The following MED12L variants were observed in gnomAD, a reference collection of about 807,000 sequenced individuals.
MED12L encodes mediator of RNA polymerase II transcription subunit 12-like protein.
MED12L carries 60 observed loss-of-function variants against 281.3 expected under a neutral mutation model. The ratio of observed to expected loss-of-function variants is 0.21; its 90% CI spans 0.17 to 0.26. The LOEUF is 0.26. Among genes scored for constraint, MED12L ranks in the 10% least tolerant of loss-of-function variants. MED12L has a pLI of 1.00. For missense variants in MED12L, 2,146 were observed against 2,680.9 expected, an observed-to-expected ratio of 0.80 and a Z score of 4.41; for synonymous variants, 974 against 987.2, an observed-to-expected ratio of 0.99 and a Z score of 0.25.
At chr3:151,299,419 T>TC (rs1202256463) in intron 16 of MED12L, among the ~76,000 whole-genome samples, 2 of 94,062 alleles carry the variant, frequency 2.1e-5, no homozygotes, top group African/African-American at 8.1e-5. Context: ...TCCCCTCCCC[T>TC]CCCCCTCCTC....
chr3:151,424,696 A>T (rs1241319358), intron 43 of MED12L, among the ~76,000 whole-genome samples: 1 of 152,192 alleles, frequency 6.6e-6, no homozygotes, highest in Admixed American at 6.5e-5. Flanking sequence ...CACACAAAAA[A>T]TTCTGAAACA....
At chr3:151,361,493 T>A (rs1754610062) in intron 21 of MED12L, among the ~76,000 whole-genome samples, 1 of 152,196 alleles carries the variant, frequency 6.6e-6, no homozygotes, top group African/African-American at 2.4e-5. Flanking sequence ...ACCTACTTGC[T>A]ATCTTAGACT....
At chr3:151,203,830 T>G (rs948959580) in intron 16 of MED12L, among the ~76,000 whole-genome samples, 2 of 152,206 alleles carry the variant, frequency 1.3e-5, no homozygotes, top group African/African-American at 4.8e-5. Flanking sequence ...TTATTCATAC[T>G]ATTTTATAGT....
chr3:151,223,180 A>AAAAAG (rs1729748624), intron 16 of MED12L, among the ~76,000 whole-genome samples: 1 of 151,132 alleles, frequency 6.6e-6, no homozygotes, highest in Non-Finnish European at 1.5e-5. Flanking sequence ...AAGTCCAAAA[A>AAAAAG]AAAAAAAAAA....
chr3:151,165,085 C>T (rs1204981835), intron 9 of MED12L, among the ~76,000 whole-genome samples: 2 of 151,218 alleles, frequency 1.3e-5, no homozygotes, highest in South Asian at 2.1e-4. Context: ...CTTAATAGAA[C>T]GTTGCAAATT....
At chr3:151,383,678 T>C (rs1712805947) in intron 33 of MED12L, 101 bp from the exon 34 acceptor site, 2 of 708,418 alleles carry the variant, frequency 2.8e-6, no homozygotes, top group East Asian at 2.7e-5. Flanking sequence ...GCATCCCTTG[T>C]TTTTTTAAAT....
chr3:151,226,282 C>CT (rs1248816296), intron 16 of MED12L, among the ~76,000 whole-genome samples: 1 of 152,120 alleles, frequency 6.6e-6, no homozygotes, highest in Non-Finnish European at 1.5e-5. Flanking sequence ...GGTGAGAGAG[C>CT]TATAGGAACA....
intron 42 of MED12L, among the ~76,000 whole-genome samples, chr3:151,415,289 T>C (rs1717414915): frequency 6.6e-6 from 1 of 152,242 alleles, no homozygotes; most frequent in South Asian, 2.1e-4. Flanking sequence ...ATTATACTTC[T>C]TTTTTGGTGA....
At chr3:151,213,270 C>T (rs772387853) in intron 16 of MED12L, 4 of 1,519,330 alleles carry the variant, frequency 2.6e-6, no homozygotes, top group Non-Finnish European at 3.6e-6. Context: ...AACATGCACA[C>T]GTGGTCTTTC....
At chr3:151,252,784 C>T (rs775049540) in intron 16 of MED12L, among the ~76,000 whole-genome samples, 4 of 152,070 alleles carry the variant, frequency 2.6e-5, no homozygotes, top group Non-Finnish European at 5.9e-5. Flanking sequence ...TATCTACTAA[C>T]TAGATAAGTT....
At chr3:151,270,449 A>G (rs1740729359) in intron 16 of MED12L, among the ~76,000 whole-genome samples, 1 of 152,148 alleles carries the variant, frequency 6.6e-6, no homozygotes, top group Admixed American at 6.5e-5. Context: ...GGAAAAAAGA[A>G]AAACCTCCCT....
intron 16 of MED12L, among the ~76,000 whole-genome samples, chr3:151,348,340 CAAAAA>C (rs11382065): frequency 0.012 from 1,050 of 87,838 alleles, 16 homozygotes; most frequent in African/African-American, 0.041. Context: ...ACCACCAGAC[CAAAAA>C]AAAAAAAAAA....
At chr3:151,356,826 A>T (rs1230874954) in intron 19 of MED12L, among the ~76,000 whole-genome samples, 3 of 152,214 alleles carry the variant, frequency 2.0e-5, no homozygotes, top group African/African-American at 7.2e-5. Context: ...AACAGAAATA[A>T]GACTTGGTTT....
At chr3:151,207,500 G>C (rs1036954254) in intron 16 of MED12L, among the ~76,000 whole-genome samples, 1 of 150,650 alleles carries the variant, frequency 6.6e-6, no homozygotes, top group Non-Finnish European at 1.5e-5. Flanking sequence ...GAGAAATTTT[G>C]GGGGGGACTG....
chr3:151,359,121 T>C (rs1455377767), intron 20 of MED12L, among the ~76,000 whole-genome samples: 1 of 152,132 alleles, frequency 6.6e-6, no homozygotes, highest in African/African-American at 2.4e-5. Flanking sequence ...TCTGTTGTTC[T>C]CATCCTTATG....
In MED12L at chr3:151,273,580, A is replaced by G. The variant is rs575215606; in HGVS notation, c.2251-76479A>G. Among the ~76,000 whole-genome samples the G allele has an allele frequency of 1.6e-4, 24 of 152,086 alleles. 1 individual carries two copies. Among genetic ancestry groups the G allele is most frequent in the Admixed American group, 9.8e-4 (15 of 15,266 alleles). On this transcript the variant is annotated intron_variant, in intron 16 of 44. Transcript: ENST00000687756. The stretch of plus-strand genomic sequence containing the variant: ...TGCCAATTACTGTTCTGGGTAATTT[A>G]TGTATATAACTCATTTAATCCCCAT...
At chr3:151,174,884 G>T (rs1396837171) in intron 11 of MED12L, among the ~76,000 whole-genome samples, 1 of 150,050 alleles carries the variant, frequency 6.7e-6, no homozygotes, top group African/African-American at 2.5e-5. Context: ...TAAAGATAAG[G>T]TCTCACTATA....
Position 151,432,773 on chromosome 3 carries a change from T to C in MED12L, c.6512T>C (p.Val2171Ala). 2 of 1,613,080 alleles carry C rather than the reference T, an allele frequency of 1.2e-6. No individual in the cohort carries two copies. The highest frequency in any genetic ancestry group is 1.7e-6 in the Non-Finnish European group (2 of 1,179,494). The change falls in exon 45 of 45, where the codon GTG becomes GCG. Residue 2171 changes from valine to alanine, a missense_variant. Physicochemically the swap from Val to Ala is moderately conservative, Grantham distance 64. Around this residue, in one of 9 missense-constraint regions of MED12L, gnomAD observed 25 missense variants for 24.9 expected, o/e 1.00. Transcript: ENST00000687756. ...QLSSNQPQQG[V>A]TPYGHPSHF Reference sequence around the variant, plus strand: ...TTAGGCAACCAGCCACAGCAAGGAGTGACTCCGTATGGGCATCCTTCACAC... The same window carrying C: ...TTAGGCAACCAGCCACAGCAAGGAGCGACTCCGTATGGGCATCCTTCACAC...
intron 16 of MED12L, among the ~76,000 whole-genome samples, chr3:151,267,719 A>C (rs1056346026): frequency 2.0e-5 from 3 of 152,112 alleles, no homozygotes; most frequent in Non-Finnish European, 4.4e-5. Context: ...GCTGCTGTGA[A>C]TTACTGTTTT....
Sources: allele counts gnomAD v4.1 joint callset (sites outside exome capture counted in the v4.1 genomes callset), GRCh38; gene constraint gnomAD v4.1.1; regional missense constraint gnomAD v4.1.1; transcripts MANE v1.5; gene names NCBI Gene and HGNC (gene_info 2026-07-23, HGNC 2026-07-21).